The following PAPSS2 variants were observed in gnomAD, a reference collection of about 807,000 sequenced individuals.
The protein encoded by PAPSS2 is 3'-phosphoadenosine 5'-phosphosulfate synthase 2.
Under a neutral mutation model 66.5 loss-of-function variants are expected in PAPSS2, and 61 were observed. The ratio of observed to expected loss-of-function variants is 0.92; its 90% CI spans 0.75 to 1.14. The LOEUF (loss-of-function observed/expected upper bound fraction) is 1.14. Among genes scored for constraint, PAPSS2 ranks in the 50% most tolerant of loss-of-function variants. The pLI, the probability that PAPSS2 is intolerant of heterozygous loss-of-function variation, is 0.00. For synonymous variants in PAPSS2, 289 were observed against 287.5 expected, an observed-to-expected ratio of 1.01 and a Z score of -0.05; for missense variants, 708 against 789.6, an observed-to-expected ratio of 0.90 and a Z score of 1.24.
chr10:87,698,980 A>G (rs1340349683), intron 1 of PAPSS2, among the ~76,000 whole-genome samples: 2 of 152,230 alleles, frequency 1.3e-5, no homozygotes, highest in Non-Finnish European at 2.9e-5. Flanking sequence ...TTAAATGTCC[A>G]GTGGGTGGTG....
At chr10:87,701,220 A>G (rs925454693) in intron 1 of PAPSS2, among the ~76,000 whole-genome samples, 11 of 146,638 alleles carry the variant, frequency 7.5e-5, no homozygotes, top group African/African-American at 2.8e-4. Flanking sequence ...GTTTTTATTT[A>G]TATAATAATT....
intron 7 of PAPSS2, among the ~76,000 whole-genome samples, chr10:87,716,578 A>G (rs1315674375): frequency 6.6e-6 from 1 of 152,170 alleles, no homozygotes; most frequent in African/African-American, 2.4e-5. Context: ...GTCACGCTGA[A>G]TTTGTAATGC....
At chr10:87,708,105 T>C (rs1019452523) in intron 1 of PAPSS2, among the ~76,000 whole-genome samples, 2 of 152,206 alleles carry the variant, frequency 1.3e-5, no homozygotes, top group Non-Finnish European at 2.9e-5. Flanking sequence ...TTCTTTTAAG[T>C]CCACCAAAAA....
chr10:87,671,039 C>G (rs1852871198), intron 1 of PAPSS2, among the ~76,000 whole-genome samples: 1 of 152,182 alleles, frequency 6.6e-6, no homozygotes, highest in Non-Finnish European at 1.5e-5. Context: ...ATCTCATCCT[C>G]ACAATAACCT....
Position 87,745,880 on chromosome 10 carries a change from C to G in PAPSS2, c.1770C>G (p.Ala590=), listed in dbSNP as rs1291178064. Residue 590 remains alanine (A), a synonymous_variant, in exon 13 of 13, where the codon GCC becomes GCG. Coordinates refer to ENST00000456849, the MANE Select transcript of PAPSS2 (RefSeq NM_001015880.2). ...FISGTRMRKL[A]REGENPPDGF... ...CAGGAACTCGAATGAGGAAGCTCGCCCGGGAAGGAGAGAATCCCCCAGATG... is the reference window on the plus strand; with the variant it reads ...CAGGAACTCGAATGAGGAAGCTCGCGCGGGAAGGAGAGAATCCCCCAGATG... 6.2e-7 allele frequency: 1 copy of G among 1,614,026 alleles called. No individual in the cohort carries two copies. The highest frequency in any genetic ancestry group is 8.5e-7 in the Non-Finnish European group (1 of 1,179,974).
chr10:87,705,184 GT>G (rs1030266076), intron 1 of PAPSS2, among the ~76,000 whole-genome samples: 1 of 152,112 alleles, frequency 6.6e-6, no homozygotes, highest in African/African-American at 2.4e-5. Flanking sequence ...ATAATGTGTA[GT>G]TTTTTTGGAT....
chr10:87,665,883 C>T (rs1321793791), intron 1 of PAPSS2, among the ~76,000 whole-genome samples: 1 of 152,116 alleles, frequency 6.6e-6, no homozygotes, highest in African/African-American at 2.4e-5. Context: ...GCTTACTTAT[C>T]TCTTTGAGTT....
At chr10:87,713,955 G>A in intron 3 of PAPSS2, 89 bp from the exon 4 acceptor site, 1 of 1,367,970 alleles carries the variant, frequency 7.3e-7, no homozygotes, top group South Asian at 1.2e-5. Flanking sequence ...TTATCTCAAG[G>A]CTATTGAAAA....
At chr10:87,675,557 G>C (rs1852933515) in intron 1 of PAPSS2, among the ~76,000 whole-genome samples, 1 of 152,170 alleles carries the variant, frequency 6.6e-6, no homozygotes, top group East Asian at 1.9e-4. Context: ...GTAATTTCAT[G>C]CTAATAGGTT....
Position 87,746,134 on chromosome 10 carries a change from C to G in PAPSS2, c.*164C>G. On this transcript the variant is annotated 3_prime_UTR_variant, in exon 13 of 13. Transcript: ENST00000456849. The stretch of plus-strand genomic sequence containing the variant: ...AAAAAAAAATATATATATATACACA[C>G]ACACATATACATACAAAGTCAAACT... 1.9e-6 allele frequency: 1 copy of G among 532,052 alleles called. No homozygotes were observed. Among genetic ancestry groups the G allele is most frequent in the African/African-American group, 1.9e-5 (1 of 52,190 alleles). The allele number at this position is 532,052 out of a possible 1,614,324, so 33.0% of individuals were successfully genotyped here. A position where few individuals can be genotyped will look rare whatever the true frequency, so the allele number is the denominator to read the frequency against.
intron 1 of PAPSS2, among the ~76,000 whole-genome samples, chr10:87,699,231 A>G (rs927083690): frequency 6.7e-6 from 1 of 148,254 alleles, no homozygotes; most frequent in African/African-American, 2.5e-5. Flanking sequence ...ACTGCATTTC[A>G]TTATATATTT....
chr10:87,742,643 T>C (rs1348765571), intron 10 of PAPSS2, among the ~76,000 whole-genome samples: 1 of 152,256 alleles, frequency 6.6e-6, no homozygotes, highest in African/African-American at 2.4e-5. Flanking sequence ...TGGAGATTTC[T>C]TTAAAGCGAA....
intron 9 of PAPSS2, among the ~76,000 whole-genome samples, chr10:87,735,840 AG>A (rs1323557365): frequency 6.6e-6 from 1 of 152,240 alleles, no homozygotes; most frequent in African/African-American, 2.4e-5. Flanking sequence ...GCCTCTGTTT[AG>A]AGCCACTGCT....
chr10:87,693,741 C>A (rs188140162), intron 1 of PAPSS2, among the ~76,000 whole-genome samples: 84 of 152,292 alleles, frequency 5.5e-4, no homozygotes, highest in African/African-American at 1.9e-3. Flanking sequence ...CTCACCAGAA[C>A]TATAATTACA....
intron 2 of PAPSS2, among the ~76,000 whole-genome samples, 192 bp from the exon 3 acceptor site, chr10:87,712,883 A>C (rs905997737): frequency 1.3e-5 from 2 of 151,886 alleles, no homozygotes; most frequent in African/African-American, 4.8e-5. Flanking sequence ...TATAATCCTA[A>C]CACAGGACAA....
chr10:87,731,673 T>C (rs1853731221), intron 9 of PAPSS2, among the ~76,000 whole-genome samples: 2 of 152,208 alleles, frequency 1.3e-5, no homozygotes, highest in Admixed American at 1.3e-4. Flanking sequence ...GTTGATTTCA[T>C]CCTTCATGGA....
At chr10:87,735,841 G>C (rs185112434) in intron 9 of PAPSS2, among the ~76,000 whole-genome samples, 1 of 152,260 alleles carries the variant, frequency 6.6e-6, no homozygotes, top group Admixed American at 6.5e-5. Context: ...CCTCTGTTTA[G>C]AGCCACTGCT....
chr10:87,679,211 T>C (rs781420200), intron 1 of PAPSS2, among the ~76,000 whole-genome samples: 20 of 152,328 alleles, frequency 1.3e-4, no homozygotes, highest in Non-Finnish European at 2.6e-4. Context: ...TTCACTCATA[T>C]GCAGAAGCTA....
intron 9 of PAPSS2, among the ~76,000 whole-genome samples, chr10:87,738,496 C>T (rs948256329): frequency 6.6e-6 from 1 of 152,072 alleles, no homozygotes; most frequent in African/African-American, 2.4e-5. Context: ...GCAGCCTCAA[C>T]CTTCCCAGGC....
Sources: allele counts gnomAD v4.1 joint callset (sites outside exome capture counted in the v4.1 genomes callset), GRCh38; gene constraint gnomAD v4.1.1; transcripts MANE v1.5; gene names NCBI Gene and HGNC (gene_info 2026-07-23, HGNC 2026-07-21).